Variants in LCA5 observed in about 807,000 individuals in gnomAD.
The protein encoded by LCA5 is lebercilin.
In LCA5, 37 loss-of-function variants were observed where a neutral mutation model predicts 53.0. That is an observed-to-expected ratio of 0.70 (90% CI 0.54 to 0.92). The LOEUF is 0.92. Ranked by LOEUF, LCA5 falls within the 40% of genes least tolerant of loss-of-function variation. The pLI, the probability that LCA5 is intolerant of heterozygous loss-of-function variation, is 0.00. For missense variants in LCA5, 806 were observed against 790.5 expected (o/e 1.02, Z -0.23); for synonymous variants, 303 against 282.9 (o/e 1.07, Z -0.71).
rs1307365933 is a variant in LCA5, at chr6:79,518,690, T to C, written c.190+15A>G. 1.2e-6 allele frequency: 2 copies of C among 1,613,352 alleles called. No individual in the cohort carries two copies. Among genetic ancestry groups the C allele is most frequent in the Non-Finnish European group, 1.7e-6 (2 of 1,179,400 alleles). ...AGTCTTCTAGGTCCACCAGACTCTT[T>C]TAAAGAATGCTTACCTTGGTGATGT... On this transcript the variant is annotated intron_variant, in intron 2 of 7. Transcript: ENST00000369846.
chr6:79,507,440 T>C (rs1307535369), intron 3 of LCA5, among the ~76,000 whole-genome samples: 2 of 152,096 alleles, frequency 1.3e-5, no homozygotes, highest in Non-Finnish European at 2.9e-5. Flanking sequence ...AAAGGGGTCT[T>C]GAGAGCAAAG....
intron 1 of LCA5, 135 bp from the exon 2 acceptor site, chr6:79,519,220 T>G (rs543280923): frequency 4.9e-4 from 175 of 354,170 alleles, no homozygotes; most frequent in Non-Finnish European, 8.5e-4. Context: ...TTATCTATAT[T>G]TTCACAGATA....
At chr6:79,538,018 GTTTTTTTTTTT>G (rs869197362), upstream of LCA5, among the ~76,000 whole-genome samples, 640 of 44,130 alleles carry the variant, frequency 0.015, 15 homozygotes, top group African/African-American at 0.041. Context: ...TTGCACACAA[GTTTTTTTTTTT>G]TTTTTTTTTT....
At position 79,487,496 on chromosome 6, in the gene LCA5, T is replaced by C. The variant is rs1423338886; in HGVS notation, c.1602A>G (p.Gly534=). The C allele has an allele frequency of 6.2e-7, 1 of 1,614,028 alleles. No homozygotes were observed. Among genetic ancestry groups the C allele is most frequent in the African/African-American group, 1.3e-5 (1 of 75,038 alleles). The change falls in exon 8 of 8, where the codon GGA becomes GGG. Residue 534 remains glycine (G), a synonymous_variant. Transcript: ENST00000369846. ...TAACATTTCCTGAATTCTGACCTTCTCCTTTTGGAGTTGAGAAACTGATGT... is the reference window on the plus strand; with the variant it reads ...TAACATTTCCTGAATTCTGACCTTCCCCTTTTGGAGTTGAGAAACTGATGT... The part of the protein sequence containing the change: ...LQDISFSTPK[G]EGQNSGNVRS...
chr6:79,537,128 C>G (rs1174007806), intron 1 of LCA5, 37 bp downstream of exon 1: 1 of 153,072 alleles, frequency 6.5e-6, no homozygotes, highest in Non-Finnish European at 1.5e-5. Flanking sequence ...CGCACCTCCA[C>G]CTCCCCCGCC....
At chr6:79,517,974 G>A (rs888402446) in intron 2 of LCA5, among the ~76,000 whole-genome samples, 1 of 151,902 alleles carries the variant, frequency 6.6e-6, no homozygotes, top group Non-Finnish European at 1.5e-5. Context: ...TTATTAATGG[G>A]TACTGTAATT....
At chr6:79,511,990 T>C (rs1328862086) in intron 3 of LCA5, among the ~76,000 whole-genome samples, 1 of 152,152 alleles carries the variant, frequency 6.6e-6, no homozygotes, top group African/African-American at 2.4e-5. Context: ...TGTGTGTGTA[T>C]GCACTGCAAT....
At chr6:79,511,137 G>A (rs1174393754) in intron 3 of LCA5, among the ~76,000 whole-genome samples, 1 of 151,836 alleles carries the variant, frequency 6.6e-6, no homozygotes, top group African/African-American at 2.4e-5. Flanking sequence ...TGCACTTTCA[G>A]GCATATATCC....
intron 1 of LCA5, among the ~76,000 whole-genome samples, chr6:79,521,269 A>G (rs936231223): frequency 5.3e-5 from 8 of 152,166 alleles, no homozygotes; most frequent in Non-Finnish European, 8.8e-5. Flanking sequence ...TAGAAATGAG[A>G]TTTTTGAAAA....
At chr6:79,491,959 G>A (rs1291642381) in intron 5 of LCA5, among the ~76,000 whole-genome samples, 3 of 151,756 alleles carry the variant, frequency 2.0e-5, no homozygotes, top group Non-Finnish European at 4.4e-5. Flanking sequence ...TACTATTTTT[G>A]TTTCTAGGAT....
At chr6:79,516,428 A>T (rs1186283755) in intron 2 of LCA5, among the ~76,000 whole-genome samples, 1 of 152,020 alleles carries the variant, frequency 6.6e-6, no homozygotes, top group Non-Finnish European at 1.5e-5. Flanking sequence ...TACCGCTCAT[A>T]AAACTTCATA....
At chr6:79,522,382 C>T (rs539707229) in intron 1 of LCA5, among the ~76,000 whole-genome samples, 10 of 152,108 alleles carry the variant, frequency 6.6e-5, no homozygotes, top group South Asian at 4.2e-4. Context: ...GAAGTAATCT[C>T]CCCTCCTCCC....
chr6:79,534,469 G>T (rs140090512), intron 1 of LCA5, among the ~76,000 whole-genome samples: 17 of 151,892 alleles, frequency 1.1e-4, no homozygotes, highest in African/African-American at 4.1e-4. Context: ...AATGTCAGGC[G>T]CTAGATTATA....
chr6:79,535,878 A>G (rs1234189774), intron 1 of LCA5, among the ~76,000 whole-genome samples: 1 of 152,168 alleles, frequency 6.6e-6, no homozygotes, highest in Non-Finnish European at 1.5e-5. Flanking sequence ...GGGCCGAGGA[A>G]GAAGATCCCA....
At position 79,513,578 on chromosome 6, in the gene LCA5, T is replaced by C. The variant is rs1766319988; in HGVS notation, c.354A>G (p.Glu118=). 2 of 1,613,936 alleles carry C rather than the reference T, an allele frequency of 1.2e-6. No individual in the cohort carries two copies. Among genetic ancestry groups the C allele is most frequent in the South Asian group, 1.1e-5 (1 of 91,072 alleles). ...RLLKINELQN[E]VSELQVKLAE... The stretch of plus-strand genomic sequence containing the variant: ...CTAACTTGACCTGGAGTTCAGATAC[T>C]TCATTCTGCAACTCATTGATTTTTA... Residue 118 remains glutamate (E), a synonymous_variant, in exon 3 of 8, where the codon GAA becomes GAG. Coordinates refer to ENST00000369846, the MANE Select transcript of LCA5 (RefSeq NM_001122769.3).
chr6:79,490,521 CCT>C (rs980853195), intron 6 of LCA5, among the ~76,000 whole-genome samples: 4 of 152,012 alleles, frequency 2.6e-5, no homozygotes, highest in Non-Finnish European at 5.9e-5. Flanking sequence ...TGTAAAAAGA[CCT>C]ATATTTTAGT....
chr6:79,503,804 G>A (rs886151456), intron 3 of LCA5, among the ~76,000 whole-genome samples: 4 of 152,076 alleles, frequency 2.6e-5, no homozygotes, highest in Admixed American at 6.6e-5. Context: ...GTGTGCGCGC[G>A]TGCGCGTGCG....
Position 79,518,758 on chromosome 6 carries a change from A to T in LCA5, c.137T>A (p.Val46Asp), listed in dbSNP as rs765571375. Residue 46 changes from valine (V) to aspartate (D), a missense_variant, in exon 2 of 8, where the codon GTT becomes GAT. By Grantham distance (152) the Val-to-Asp change is radical (BLOSUM62 -3). Coordinates refer to ENST00000369846, the MANE Select transcript of LCA5 (RefSeq NM_001122769.3). ...SSLVSSSPAS[V>D]RRKNPKRQTS... ...TTGTCTTTTAGGATTTTTTCTCCTA[A>T]CACTTGCAGGTGAAGAACTGACCAG... The T allele has an allele frequency of 2.5e-6, 4 of 1,614,100 alleles. No homozygotes were observed. The highest frequency in any genetic ancestry group is 1.6e-4 in the Middle Eastern group (1 of 6,062).
chr6:79,513,017 T>C (rs1766284279), intron 3 of LCA5, 195 bp downstream of exon 3: 3 of 617,260 alleles, frequency 4.9e-6, no homozygotes, highest in Non-Finnish European at 8.6e-6. Flanking sequence ...TCAATCAACA[T>C]GTAGCTCATT....
Sources: gnomAD v4.1 joint callset for allele counts (sites outside exome capture counted in the v4.1 genomes callset) on GRCh38, gnomAD v4.1.1 for gene constraint, MANE v1.5 for transcripts, NCBI Gene and HGNC (gene_info 2026-07-23, HGNC 2026-07-21) for gene names.